Variants in GHRHR observed in about 807,000 individuals in gnomAD.
GHRHR encodes growth hormone releasing hormone receptor.
In GHRHR, 40 loss-of-function variants were observed where a neutral mutation model predicts 58.3. That is an observed-to-expected ratio of 0.69 (90% CI 0.53 to 0.89). The LOEUF (loss-of-function observed/expected upper bound fraction) is 0.89, where lower values mean the gene tolerates loss of function less well. Ranked by LOEUF, GHRHR falls within the 40% of genes least tolerant of loss-of-function variation. The probability of loss-of-function intolerance (pLI) is 0.00; values close to 1 mark genes in which losing one functional copy is unlikely to be tolerated. For synonymous variants in GHRHR, 249 were observed against 216.6 expected (o/e 1.15, Z -1.31); for missense variants, 551 against 541.3 (o/e 1.02, Z -0.18).
chr7:30,974,304 G>T, intron 7 of GHRHR, 125 bp from the exon 8 acceptor site: 1 of 1,108,372 alleles, frequency 9.0e-7, no homozygotes, highest in East Asian at 2.4e-5. Flanking sequence ...CCCTGGCTCT[G>T]GGGTCCTGCC....
Position 30,979,335 on chromosome 7 carries a change from C to G in GHRHR, c.*91C>G. ...CTGGAGGAGCAAGGGGGCCACATCC[C>G]CACCCCAGCTGTTACCCAGCCCGGG... On this transcript the variant is annotated 3_prime_UTR_variant, in exon 13 of 13. Transcript: ENST00000326139. The G allele has an allele frequency of 7.5e-7, 1 of 1,341,518 alleles. No individual in the cohort carries two copies. The highest frequency in any genetic ancestry group is 1.0e-6 in the Non-Finnish European group (1 of 957,128). 83.1% of individuals were successfully genotyped at this position (1,341,518 alleles called of 1,614,324 possible).
chr7:30,967,566 C>T (rs563533291), intron 1 of GHRHR, among the ~76,000 whole-genome samples: 28 of 151,076 alleles, frequency 1.9e-4, no homozygotes, highest in Admixed American at 3.3e-4. Flanking sequence ...TCTCACTCAT[C>T]CACCATGCAC....
intron 1 of GHRHR, among the ~76,000 whole-genome samples, chr7:30,965,974 C>A (rs565877187): frequency 6.6e-5 from 10 of 152,326 alleles, no homozygotes; most frequent in African/African-American, 2.4e-4. Flanking sequence ...GAGTCCGGGG[C>A]ACCCACCAAA....
intron 4 of GHRHR, 92 bp from the exon 5 acceptor site, chr7:30,971,027 A>T: frequency 4.2e-6 from 3 of 719,042 alleles, no homozygotes; most frequent in Non-Finnish European, 7.7e-6. Flanking sequence ...GTTGGGGTGG[A>T]ATGGCAAAGG....
chr7:30,971,542 T>C (rs751711826), intron 5 of GHRHR, among the ~76,000 whole-genome samples: 1 of 152,038 alleles, frequency 6.6e-6, no homozygotes, highest in South Asian at 2.1e-4. Context: ...CCCTCTTGAC[T>C]GTTATAACTC....
At position 30,963,991 on chromosome 7, in the gene GHRHR, T is replaced by C; in HGVS notation, c.-78T>C. The C allele has an allele frequency of 7.5e-7, 1 of 1,330,376 alleles. No individual in the cohort carries two copies. The highest frequency in any genetic ancestry group is 1.3e-5 in the South Asian group (1 of 79,990). The allele number at this position is 1,330,376 out of a possible 1,614,324, so 82.4% of individuals were successfully genotyped here. A position where few individuals can be genotyped will look rare whatever the true frequency, so the allele number is the denominator to read the frequency against. The stretch of plus-strand genomic sequence containing the variant: ...AAGCAGAGGGTGCGGTGGAAACGGC[T>C]GTGTCAGGGGACAGCAGGGGAAGGA... On this transcript the variant is annotated 5_prime_UTR_variant, in exon 1 of 13. Coordinates refer to ENST00000326139, the MANE Select transcript of GHRHR (RefSeq NM_000823.4).
Position 30,968,872 on chromosome 7 carries a change from C to T in GHRHR, c.96C>T (p.Thr32=), listed in dbSNP as rs759110872. 8 of 1,613,862 alleles carry T rather than the reference C, an allele frequency of 5.0e-6. No individual in the cohort carries two copies. Among genetic ancestry groups the T allele is most frequent in the Non-Finnish European group, 8.5e-7 (1 of 1,179,896 alleles). ...TGCACCCAGAATGTGACTTCATCAC[C>T]CAGCTGAGAGAGGATGAGAGTGCCT... The part of the protein sequence containing the change: ...GHMHPECDFI[T]QLREDESACL... Residue 32 remains threonine (T), a synonymous_variant, in exon 2 of 13, where the codon ACC becomes ACT. Transcript: ENST00000326139.
At chr7:30,977,590 A>T (rs899014095) in intron 12 of GHRHR, among the ~76,000 whole-genome samples, 11 of 152,124 alleles carry the variant, frequency 7.2e-5, no homozygotes, top group African/African-American at 2.4e-4. Flanking sequence ...AGGGATAAGG[A>T]GGGGGATTAG....
chr7:30,978,077 C>A (rs748625778), intron 12 of GHRHR, among the ~76,000 whole-genome samples: 10 of 152,232 alleles, frequency 6.6e-5, no homozygotes, highest in Non-Finnish European at 1.5e-4. Context: ...CTCTGCTGGC[C>A]ATGGATTTGC....
intron 1 of GHRHR, among the ~76,000 whole-genome samples, chr7:30,965,288 A>G (rs1792324602): frequency 6.6e-6 from 1 of 152,166 alleles, no homozygotes; most frequent in Admixed American, 6.5e-5. Context: ...CCAAAGCTAG[A>G]ACTCAATCAC....
Position 30,964,144 on chromosome 7 carries a change from C to T in GHRHR, c.57+19C>T. ...ACCGACCGTGAGTAGCCAGCTGAGA[C>T]CCTCTGGCCTCTGCCACTGGGCTCC... On this transcript the variant is annotated intron_variant, in intron 1 of 12. Transcript: ENST00000326139. 3.2e-6 allele frequency: 5 copies of T among 1,543,924 alleles called. No homozygotes were observed. The highest frequency in any genetic ancestry group is 4.4e-6 in the Non-Finnish European group (5 of 1,145,316).
Position 30,978,209 on chromosome 7 carries a change from A to T in GHRHR, c.1146+887A>T, listed in dbSNP as rs369583403. Among the ~76,000 whole-genome samples the T allele has an allele frequency of 9.2e-5, 14 of 152,000 alleles. No homozygotes were observed. The East Asian group carries it at 2.7e-3, about 29-fold the overall frequency. ...TGCTCCTTCCACTCTCCCTCTCTTT[A>T]TTCCTCACCTGACCTCTCTAAGTCC... On this transcript the variant is annotated intron_variant, in intron 12 of 12. Transcript: ENST00000326139.
intron 3 of GHRHR, 44 bp downstream of exon 3, chr7:30,969,214 A>C (rs1272047206): frequency 7.8e-7 from 1 of 1,280,980 alleles, no homozygotes; most frequent in Non-Finnish European, 1.1e-6. Flanking sequence ...AGGTGCTTTC[A>C]TCTGGAAGTG....
chr7:30,965,419 G>A (rs1792327668), intron 1 of GHRHR, among the ~76,000 whole-genome samples: 1 of 98,750 alleles, frequency 1.0e-5, no homozygotes, highest in Admixed American at 8.2e-5. Flanking sequence ...TCCACGATGT[G>A]TGTGGGGGGG....
chr7:30,969,862 C>A lies in GHRHR; in HGVS notation c.269-5C>A. 1 of 1,613,680 alleles carries A rather than the reference C, an allele frequency of 6.2e-7. No individual in the cohort carries two copies. Among genetic ancestry groups the A allele is most frequent in the Non-Finnish European group, 8.5e-7 (1 of 1,179,552 alleles). ...TGTGGCTAGAGAGTCTTGCTTGCCT[C>A]CCAGGGGCTGTGAAACGGGATTGTA... On this transcript the variant is annotated splice_region_variant and splice_polypyrimidine_tract_variant and intron_variant, in intron 3 of 12. Coordinates refer to ENST00000326139, the MANE Select transcript of GHRHR (RefSeq NM_000823.4).
Position 30,979,151 on chromosome 7 carries a change from C to G in GHRHR, c.1179C>G (p.Gly393=), listed in dbSNP as rs2128599195. The change falls in exon 13 of 13, where the codon GGC becomes GGG. Residue 393 remains glycine, a synonymous_variant. Transcript: ENST00000326139. The part of the protein sequence containing the change: ...VRTEISRKWH[G]HDPELLPAWR... ...CTGAGATCTCACGGAAGTGGCATGG[C>G]CATGACCCTGAGCTTCTGCCAGCCT... 6.2e-7 allele frequency: 1 copy of G among 1,613,440 alleles called. No individual in the cohort carries two copies. The highest frequency in any genetic ancestry group is 1.3e-5 in the African/African-American group (1 of 75,042).
At chr7:30,966,987 C>T (rs903656428) in intron 1 of GHRHR, among the ~76,000 whole-genome samples, 1 of 152,164 alleles carries the variant, frequency 6.6e-6, no homozygotes, top group African/African-American at 2.4e-5. Context: ...TATTAGGATC[C>T]AGCCCTTCTC....
chr7:30,975,131 G>C, intron 9 of GHRHR, 91 bp downstream of exon 9: 1 of 904,444 alleles, frequency 1.1e-6, no homozygotes, highest in Non-Finnish European at 1.9e-6. Context: ...GCAACTCCAG[G>C]CTGGGTGTCT....
Position 30,964,078 on chromosome 7 carries a change from C to T in GHRHR, c.10C>T (p.Arg4Trp), listed in dbSNP as rs142361839. 6.2e-4 allele frequency: 969 copies of T among 1,550,560 alleles called. 1 individual carries two copies. The highest frequency in any genetic ancestry group is 2.9e-3 in the Middle Eastern group (17 of 5,938). Reference sequence around the variant, plus strand: ...CACTGCTGGGCTCACCATGGACCGCCGGATGTGGGGGGCCCACGTCTTCTG... The same window carrying T: ...CACTGCTGGGCTCACCATGGACCGCTGGATGTGGGGGGCCCACGTCTTCTG... Reference protein sequence around the residue: MDRRMWGAHVFCVL... With the variant: MDRWMWGAHVFCVL... Residue 4 changes from arginine (R) to tryptophan (W), a missense_variant, in exon 1 of 13, where the codon CGG becomes TGG. Physicochemically the swap from Arg to Trp is moderately radical, Grantham distance 101 (BLOSUM62 -3). Transcript: ENST00000326139.
Sources: gnomAD v4.1 joint callset for allele counts (sites outside exome capture counted in the v4.1 genomes callset) on GRCh38, gnomAD v4.1.1 for gene constraint, MANE v1.5 for transcripts, NCBI Gene and HGNC (gene_info 2026-07-23, HGNC 2026-07-21) for gene names.